TNPO3: variants seen among roughly 807,000 people sequenced by gnomAD.
The protein encoded by TNPO3 is transportin 3.
In TNPO3, 65 loss-of-function variants were observed where a neutral mutation model predicts 122.8. The observed-to-expected ratio is 0.53, with a 90% CI of 0.43 to 0.65. TNPO3 has a LOEUF of 0.65. Among genes scored for constraint, TNPO3 ranks in the 30% least tolerant of loss-of-function variants. The pLI is 0.00. For missense variants in TNPO3, 850 were observed against 1,136.7 expected (o/e 0.75, Z 3.63); for synonymous variants, 372 against 411.2 (o/e 0.90, Z 1.15).
Position 129,018,117 on chromosome 7 carries a change from CG to C in TNPO3, c.160del (p.Arg54GlyfsTer14). The part of the protein sequence containing the change: ...WEISDQLLQI[R>X]QDVESCYFAA... ...AAAATAGCATGACTCCACATCCTGC[CG>C]GATCTGTAACAACTGGTCTGAGATC... On this transcript the variant is annotated frameshift_variant, in exon 2 of 23. Coordinates refer to ENST00000265388, the MANE Select transcript of TNPO3 (RefSeq NM_012470.4). LOFTEE classifies it high-confidence loss of function. 1 of 1,614,150 alleles carries C rather than the reference CG, an allele frequency of 6.2e-7. No homozygotes were observed. Among genetic ancestry groups the C allele is most frequent in the Non-Finnish European group, 8.5e-7 (1 of 1,180,030 alleles).
chr7:128,997,526 T>C lies in TNPO3; in HGVS notation c.1021A>G (p.Ile341Val). 1 of 1,613,558 alleles carries C rather than the reference T, an allele frequency of 6.2e-7. No homozygotes were observed. Among genetic ancestry groups the C allele is most frequent in the South Asian group, 1.1e-5 (1 of 91,048 alleles). Reference protein sequence around the residue: ...AGHPQYEVVEISFNFWYRLGE... With the variant: ...AGHPQYEVVEVSFNFWYRLGE... The stretch of plus-strand genomic sequence containing the variant: ...AGTCGGTACCAAAAGTTAAATGAAA[T>C]TTCTACTACCTGTTAGGTTAAAAGA... Residue 341 changes from isoleucine to valine, a missense_variant, in exon 8 of 23, where the codon ATT becomes GTT. Physicochemically the swap from Ile to Val is conservative, Grantham distance 29 (BLOSUM62 3). Coordinates refer to ENST00000265388, the MANE Select transcript of TNPO3 (RefSeq NM_012470.4).
In TNPO3 at chr7:129,014,578, G is replaced by GA. The variant is rs199519294; in HGVS notation, c.552+400dup. Among the ~76,000 whole-genome samples the GA allele has an allele frequency of 1.5e-3, 232 of 150,268 alleles. 3 individuals carry two copies. The highest frequency in any genetic ancestry group is 5.1e-3 in the African/African-American group (209 of 41,026). On this transcript the variant is annotated intron_variant, in intron 4 of 22. Transcript: ENST00000265388. ...ATGTACAACTATCATGTATCAATTA[G>GA]AAAAAAAAAGAAAGGATCCTTTCTT...
At chr7:128,963,716 A>G (rs752291039) in intron 21 of TNPO3, among the ~76,000 whole-genome samples, 2 of 152,252 alleles carry the variant, frequency 1.3e-5, no homozygotes, top group Non-Finnish European at 2.9e-5. Context: ...CATTAACAAA[A>G]TTGCTGGAGA....
chr7:128,958,794 C>T (rs1797157468), intron 21 of TNPO3, among the ~76,000 whole-genome samples: 1 of 152,176 alleles, frequency 6.6e-6, no homozygotes, highest in East Asian at 1.9e-4. Flanking sequence ...TGGCCAGGCA[C>T]AGTGGCTCAT....
intron 12 of TNPO3, among the ~76,000 whole-genome samples, chr7:128,986,124 A>C (rs1426594790): frequency 6.6e-6 from 1 of 152,226 alleles, no homozygotes; most frequent in Admixed American, 6.5e-5. Context: ...TAAAATAAAT[A>C]TGATCCTTCT....
chr7:129,022,023 C>T (rs577696758), intron 1 of TNPO3, among the ~76,000 whole-genome samples: 2 of 151,994 alleles, frequency 1.3e-5, no homozygotes, highest in East Asian at 3.9e-4. Flanking sequence ...AACATATAGA[C>T]AACAGAGATC....
At chr7:128,977,638 C>A (rs1455696764) in intron 16 of TNPO3, among the ~76,000 whole-genome samples, 1 of 149,878 alleles carries the variant, frequency 6.7e-6, no homozygotes, top group African/African-American at 2.5e-5. Context: ...ACTCTGTCAC[C>A]CAGGCTGGAG....
Position 128,984,019 on chromosome 7 carries a change from C to A in TNPO3, c.1782+149G>T, listed in dbSNP as rs12534421. On this transcript the variant is annotated intron_variant, in intron 13 of 22. Coordinates refer to ENST00000265388, the MANE Select transcript of TNPO3 (RefSeq NM_012470.4). Reference sequence around the variant, plus strand: ...CTGAAATATTTATTGTATGCAGCTACTTTGATTACATTAATTTTAATAAAT... The same window carrying A: ...CTGAAATATTTATTGTATGCAGCTAATTTGATTACATTAATTTTAATAAAT... 51,823 of 505,714 alleles carry A rather than the reference C, an allele frequency of 0.1. 3,341 individuals carry two copies. Among genetic ancestry groups the A allele is most frequent in the South Asian group, 0.15 (4,711 of 30,564 alleles). 31.3% of individuals were successfully genotyped at this position (505,714 alleles called of 1,614,324 possible).
Position 128,955,176 on chromosome 7 carries a change from C to T in TNPO3, c.*241G>A, listed in dbSNP as rs1319141166. On this transcript the variant is annotated 3_prime_UTR_variant, in exon 23 of 23. Coordinates refer to ENST00000265388, the MANE Select transcript of TNPO3 (RefSeq NM_012470.4). The stretch of plus-strand genomic sequence containing the variant: ...CTCCCCTCCCACCACGCCGGGCAGG[C>T]CACAGCCATCTTTTTAAAATCCGCG... 3 of 337,978 alleles carry T rather than the reference C, an allele frequency of 8.9e-6. No homozygotes were observed. Among genetic ancestry groups the T allele is most frequent in the East Asian group, 1.2e-4 (1 of 8,260 alleles). 20.9% of individuals were successfully genotyped at this position (337,978 alleles called of 1,614,324 possible).
intron 11 of TNPO3, among the ~76,000 whole-genome samples, chr7:128,987,563 G>A (rs1391910574): frequency 1.3e-5 from 2 of 151,690 alleles, no homozygotes; most frequent in Non-Finnish European, 2.9e-5. Flanking sequence ...TTTTTCTATA[G>A]GAAAAAAACC....
chr7:129,042,457 G>A (rs1807497974), intron 1 of TNPO3, among the ~76,000 whole-genome samples: 1 of 152,252 alleles, frequency 6.6e-6, no homozygotes, highest in East Asian at 1.9e-4. Context: ...TATAGAGCTA[G>A]AAAAGTCAGA....
At chr7:129,050,215 C>T (rs1019665222) in intron 1 of TNPO3, among the ~76,000 whole-genome samples, 6 of 151,588 alleles carry the variant, frequency 4.0e-5, no homozygotes, top group Non-Finnish European at 1.5e-5. Flanking sequence ...AACCTTGTCT[C>T]TACTAAAAAA....
Position 129,054,897 on chromosome 7 carries a change from CTT to C in TNPO3, c.-129_-128del. Reference sequence around the variant, plus strand: ...TCCCTGACTGGCGCCATCTCCTCCTCTTTGGCCGTTACCAGGGCAGAAGGCTC... The same window carrying C: ...TCCCTGACTGGCGCCATCTCCTCCTCTGGCCGTTACCAGGGCAGAAGGCTC... On this transcript the variant is annotated 5_prime_UTR_variant, in exon 1 of 23. Transcript: ENST00000265388. The C allele has an allele frequency of 7.6e-7, 1 of 1,319,216 alleles. No homozygotes were observed. Among genetic ancestry groups the C allele is most frequent in the Non-Finnish European group, 1.0e-6 (1 of 952,938 alleles). The allele number at this position is 1,319,216 out of a possible 1,614,324, so 81.7% of individuals were successfully genotyped here. A position where few individuals can be genotyped will look rare whatever the true frequency, so the allele number is the denominator to read the frequency against.
intron 1 of TNPO3, among the ~76,000 whole-genome samples, chr7:129,018,594 T>C (rs1397522089): frequency 6.6e-6 from 1 of 152,260 alleles, no homozygotes; most frequent in Non-Finnish European, 1.5e-5. Flanking sequence ...GCTGTTTTAA[T>C]ATATCTATAA....
In TNPO3 at chr7:128,954,822, AGAAG is replaced by A. The variant is rs1485821127; in HGVS notation, c.*591_*594del. On this transcript the variant is annotated 3_prime_UTR_variant, in exon 23 of 23. Coordinates refer to ENST00000265388, the MANE Select transcript of TNPO3 (RefSeq NM_012470.4). ...ATTTAAAAGGAGGGGAGAGAGAAAG[AGAAG>A]GAAGGGTAGGAGAGGAAAGAGAGGA... is the stretch of plus-strand genomic sequence containing the variant. 2 of 153,814 alleles carry A rather than the reference AGAAG, an allele frequency of 1.3e-5. No homozygotes were observed. The highest frequency in any genetic ancestry group is 6.5e-5 in the Admixed American group (1 of 15,466). 9.5% of individuals were successfully genotyped at this position (153,814 alleles called of 1,614,324 possible).
intron 16 of TNPO3, among the ~76,000 whole-genome samples, 157 bp from the exon 17 acceptor site, chr7:128,976,092 C>A (rs1032882030): frequency 2.0e-5 from 3 of 152,356 alleles, no homozygotes; most frequent in Non-Finnish European, 4.4e-5. Context: ...AAACACAGGG[C>A]TCAATATCTC....
intron 14 of TNPO3, among the ~76,000 whole-genome samples, chr7:128,981,257 TCCCAC>T (rs1468486042): frequency 2.6e-5 from 4 of 152,150 alleles, no homozygotes; most frequent in African/African-American, 9.7e-5. Context: ...TAAATATTTA[TCCCAC>T]ATAGGCTTCT....
At chr7:128,970,041 C>G in intron 20 of TNPO3, 107 bp downstream of exon 20, 1 of 1,389,086 alleles carries the variant, frequency 7.2e-7, no homozygotes, top group Non-Finnish European at 1.0e-6. Context: ...AATTTGGTTC[C>G]ATGGACAGAA....
At chr7:128,979,454 G>C (rs2129004096) in intron 15 of TNPO3, among the ~76,000 whole-genome samples, 1 of 152,332 alleles carries the variant, frequency 6.6e-6, no homozygotes, top group South Asian at 2.1e-4. Context: ...TTTAAAGATA[G>C]TTCCTGGAAG....
Sources: allele counts gnomAD v4.1 joint callset (sites outside exome capture counted in the v4.1 genomes callset), GRCh38; gene constraint gnomAD v4.1.1; transcripts MANE v1.5; gene names NCBI Gene and HGNC (gene_info 2026-07-23, HGNC 2026-07-21).